Variants in SCHIP1 observed in about 807,000 individuals in gnomAD.
SCHIP1 encodes schwannomin-interacting protein 1.
SCHIP1 carries 8 observed loss-of-function variants against 29.7 expected under a neutral mutation model. That is an observed-to-expected ratio of 0.27 (90% confidence interval 0.16 to 0.49). The LOEUF is 0.49. SCHIP1 is among the 20% of genes least tolerant of loss of function. The pLI is 0.99. For synonymous variants in SCHIP1, 76 were observed against 94.9 expected (o/e 0.80, Z 1.16); for missense variants, 193 against 294.6 (o/e 0.66, Z 2.52).
chr3:159,681,805 G>C, the SCHIP1 span, among the ~76,000 whole-genome samples: 9 of 147,822 alleles, frequency 6.1e-5, no homozygotes, highest in African/African-American at 2.2e-4. Context: ...GTTAACTTGG[G>C]TTAACTCAAC....
At chr3:159,290,138 A>T in the SCHIP1 span, among the ~76,000 whole-genome samples, 5 of 152,158 alleles carry the variant, frequency 3.3e-5, no homozygotes, top group African/African-American at 1.2e-4. Flanking sequence ...AAGACAACTA[A>T]AAAAAAGGTG....
chr3:159,430,805 G>C, the SCHIP1 span, among the ~76,000 whole-genome samples: 8 of 152,102 alleles, frequency 5.3e-5, no homozygotes, highest in Admixed American at 3.3e-4. Flanking sequence ...GTCTGCAAAA[G>C]AGTGGACTGA....
chr3:159,553,463 T>A, the SCHIP1 span, among the ~76,000 whole-genome samples: 105 of 152,354 alleles, frequency 6.9e-4, 1 homozygote, highest in South Asian at 8.1e-3. Context: ...TATTGATAGT[T>A]TGAATGTCTG....
chr3:159,286,068 T>A, the SCHIP1 span, among the ~76,000 whole-genome samples: 318 of 152,244 alleles, frequency 2.1e-3, 3 homozygotes, highest in Middle Eastern at 6.8e-3. Context: ...TATTCATGTA[T>A]TTTTTACTTT....
the SCHIP1 span, among the ~76,000 whole-genome samples, chr3:159,658,174 A>T: frequency 8.5e-5 from 13 of 152,224 alleles, no homozygotes; most frequent in African/African-American, 3.1e-4. Flanking sequence ...TGATCAGAAC[A>T]CACATCAGAA....
the SCHIP1 span, among the ~76,000 whole-genome samples, chr3:159,813,153 C>T: frequency 6.6e-6 from 1 of 152,178 alleles, no homozygotes; most frequent in Non-Finnish European, 1.5e-5. Flanking sequence ...TTGGAGGGAG[C>T]TGACCATATT....
chr3:159,892,372 C>T, intron 6 of SCHIP1, 182 bp downstream of exon 7: 2 of 665,392 alleles, frequency 3.0e-6, no homozygotes, highest in Non-Finnish European at 2.6e-6. Context: ...TTACCAAATG[C>T]ATGCTTTTTA....
the SCHIP1 span, among the ~76,000 whole-genome samples, chr3:159,280,169 G>T: frequency 1.3e-5 from 2 of 152,146 alleles, no homozygotes; most frequent in Non-Finnish European, 1.5e-5. Flanking sequence ...GTTGTAAAAT[G>T]CCCCTGATGT....
At chr3:159,653,749 T>TAAA in the SCHIP1 span, among the ~76,000 whole-genome samples, 2 of 108,862 alleles carry the variant, frequency 1.8e-5, no homozygotes, top group Admixed American at 9.8e-5. Context: ...GAACTTAAAG[T>TAAA]AAAAAAAAAA....
At chr3:159,569,458 G>T in the SCHIP1 span, among the ~76,000 whole-genome samples, 1 of 152,042 alleles carries the variant, frequency 6.6e-6, no homozygotes, top group Non-Finnish European at 1.5e-5. Context: ...GAGAATGATG[G>T]TTTCCAGCTT....
the SCHIP1 span, among the ~76,000 whole-genome samples, chr3:159,504,370 G>A: frequency 6.6e-6 from 1 of 151,968 alleles, no homozygotes; most frequent in Non-Finnish European, 1.5e-5. Flanking sequence ...TAGAATTAGA[G>A]GTTTTTGTAA....
chr3:159,717,026 T>C, the SCHIP1 span, among the ~76,000 whole-genome samples: 2 of 152,278 alleles, frequency 1.3e-5, no homozygotes, highest in Middle Eastern at 3.4e-3. Flanking sequence ...ACAGAAATTA[T>C]AACAAACTGT....
the SCHIP1 span, among the ~76,000 whole-genome samples, chr3:159,329,036 C>T: frequency 1.3e-5 from 2 of 152,090 alleles, no homozygotes; most frequent in African/African-American, 4.8e-5. Flanking sequence ...GTCTTAGATC[C>T]TTTTCCTTTT....
rs144763596 is a variant in SCHIP1 at position 159,882,727 on chromosome 3, C to T, written c.150-3480C>T. On this transcript the variant is annotated intron_variant, in intron 2 of 6. Coordinates refer to ENST00000445224, the Ensembl canonical transcript of SCHIP1. ...ATTCTATTCATACTTAAAAACTTTT[C>T]GTCTCTGCCATCCTCTCAACTCCTG... is the stretch of plus-strand genomic sequence containing the variant. Among the ~76,000 whole-genome samples, 261 of 152,328 alleles carry T rather than the reference C, an allele frequency of 1.7e-3. 3 individuals carry two copies. In the East Asian group the frequency reaches 0.035, roughly 20 times the overall value.
chr3:159,390,358 G>A, the SCHIP1 span, among the ~76,000 whole-genome samples: 1 of 151,990 alleles, frequency 6.6e-6, no homozygotes, highest in East Asian at 1.9e-4. Context: ...ACAAGAATTA[G>A]ATTCTATTTA....
At chr3:159,284,463 A>AT in the SCHIP1 span, among the ~76,000 whole-genome samples, 1 of 152,044 alleles carries the variant, frequency 6.6e-6, no homozygotes, top group Non-Finnish European at 1.5e-5. Context: ...TTAATGTAAT[A>AT]TTTAGTTTGC....
chr3:159,462,208 C>CA, the SCHIP1 span, among the ~76,000 whole-genome samples: 5 of 151,616 alleles, frequency 3.3e-5, no homozygotes, highest in South Asian at 2.1e-4. Flanking sequence ...GACTCCATCT[C>CA]AAAAAAATAA....
the SCHIP1 span, among the ~76,000 whole-genome samples, chr3:159,287,250 G>T: frequency 6.6e-6 from 1 of 151,612 alleles, no homozygotes; most frequent in Non-Finnish European, 1.5e-5. Flanking sequence ...CTTATATATA[G>T]TATAAGGATT....
chr3:159,738,116 A>C, the SCHIP1 span, among the ~76,000 whole-genome samples: 1 of 152,252 alleles, frequency 6.6e-6, no homozygotes, highest in South Asian at 2.1e-4. Flanking sequence ...GAAATGAAAT[A>C]TTTATGGTTT....
Sources: gnomAD v4.1 joint callset for allele counts (sites outside exome capture counted in the v4.1 genomes callset) on GRCh38, gnomAD v4.1.1 for gene constraint, MANE v1.5 for transcripts, NCBI Gene and HGNC (gene_info 2026-07-23, HGNC 2026-07-21) for gene names.